Variants in FAM174A observed in about 807,000 individuals in gnomAD.
FAM174A encodes membrane protein FAM174A.
A neutral mutation model predicts 14.3 loss-of-function variants in FAM174A; 14 were observed. That is an observed-to-expected ratio of 0.98 (90% confidence interval 0.65 to 1.53). FAM174A has a LOEUF of 1.53. Ranked by LOEUF, FAM174A falls within the 40% of genes most tolerant of loss-of-function variation. The pLI is 0.00. For synonymous variants in FAM174A, 108 were observed against 111.4 expected (o/e 0.97, Z 0.19); for missense variants, 241 against 249.6 (o/e 0.97, Z 0.23).
chr5:100,580,926 G>GTTGT (rs773361122), intron 2 of FAM174A, among the ~76,000 whole-genome samples: 2 of 151,968 alleles, frequency 1.3e-5, no homozygotes, highest in African/African-American at 2.4e-5. Flanking sequence ...GTTTGTTTTT[G>GTTGT]TTGTTTGTTT....
intron 2 of FAM174A, among the ~76,000 whole-genome samples, chr5:100,583,403 G>T (rs1312681604): frequency 6.6e-6 from 1 of 152,158 alleles, no homozygotes; most frequent in Non-Finnish European, 1.5e-5. Flanking sequence ...TCATAGAAAG[G>T]TCCATGTCAT....
Position 100,535,595 on chromosome 5 carries a change from T to G in FAM174A, c.65T>G (p.Leu22Trp). Reference sequence around the variant, plus strand: ...TTGGCTTCCGTCCTCCTCCTGCTGTTGCTGCCTGAACTAAGCGGGCCCCTG... The same window carrying G: ...TTGGCTTCCGTCCTCCTCCTGCTGTGGCTGCCTGAACTAAGCGGGCCCCTG... ...HLLASVLLLL[L>W]LPELSGPLAV... Residue 22 changes from leucine (L) to tryptophan (W), a missense_variant, in exon 1 of 3, where the codon TTG becomes TGG. Leu to Trp is a moderately conservative substitution (Grantham distance 61). Coordinates refer to ENST00000312637, the MANE Select transcript of FAM174A (RefSeq NM_198507.3). 1.2e-6 allele frequency: 2 copies of G among 1,613,330 alleles called. No individual in the cohort carries two copies. The highest frequency in any genetic ancestry group is 1.7e-6 in the Non-Finnish European group (2 of 1,179,962).
In FAM174A at chr5:100,539,141, C is replaced by T. The variant is rs561565137; in HGVS notation, c.434+3177C>T. On this transcript the variant is annotated intron_variant, in intron 1 of 2. Coordinates refer to ENST00000312637, the MANE Select transcript of FAM174A (RefSeq NM_198507.3). ...CTTCCAATTTCAAGAAAATATGGTG[C>T]TCATGCTCATATAGTGGAGATGAGC... Among the ~76,000 whole-genome samples the T allele has an allele frequency of 2.6e-5, 4 of 152,064 alleles. No homozygotes were observed. In the East Asian group the frequency reaches 5.8e-4, roughly 22 times the overall value.
chr5:100,579,289 C>A (rs1363316507), intron 2 of FAM174A, among the ~76,000 whole-genome samples: 1 of 152,076 alleles, frequency 6.6e-6, no homozygotes, highest in Non-Finnish European at 1.5e-5. Flanking sequence ...TTTCTCCTCT[C>A]TCTTCACTTC....
chr5:100,578,188 A>G lies in FAM174A; in HGVS notation c.570-7993A>G, dbSNP rs139019385. On this transcript the variant is annotated intron_variant, in intron 2 of 2. Transcript: ENST00000312637. ...CATAGGATCTAATCTTCAGATTTCA[A>G]TGACTAAACCCTCCAGAACTGAGAA... 4.1e-4 allele frequency among the ~76,000 whole-genome samples: 62 copies of G among 152,252 alleles called. 1 individual carries two copies. In the East Asian group the frequency reaches 0.012, roughly 28 times the overall value.
At chr5:100,537,174 C>G (rs773027057) in intron 1 of FAM174A, among the ~76,000 whole-genome samples, 1 of 152,084 alleles carries the variant, frequency 6.6e-6, no homozygotes, top group Non-Finnish European at 1.5e-5. Flanking sequence ...TATATCTGTG[C>G]GAAGATGGAA....
intron 2 of FAM174A, among the ~76,000 whole-genome samples, chr5:100,564,255 CTAATA>C (rs1472865592): frequency 1.3e-5 from 2 of 151,508 alleles, no homozygotes; most frequent in Non-Finnish European, 2.9e-5. Flanking sequence ...AAAGAATGGA[CTAATA>C]CACTGAACAA....
Position 100,535,766 on chromosome 5 carries a change from C to T in FAM174A, c.236C>T (p.Ser79Phe), listed in dbSNP as rs369657992. The T allele has an allele frequency of 1.9e-6, 3 of 1,605,048 alleles. No individual in the cohort carries two copies. The highest frequency in any genetic ancestry group is 2.7e-5 in the African/African-American group (2 of 74,886). ...GLAEAAGPRG[S>F]EGGNGSNPVA... ...GCTGAAGCTGCGGGGCCGCGGGGCT[C>T]CGAGGGAGGCAATGGCAGCAACCCT... The change falls in exon 1 of 3, where the codon TCC (serine) becomes TTC (phenylalanine). Residue 79 changes from serine (S) to phenylalanine (F), a missense_variant. Ser to Phe is a radical substitution (Grantham distance 155). Transcript: ENST00000312637.
At chr5:100,554,310 CTTTTTTT>C (rs34241194) in intron 1 of FAM174A, among the ~76,000 whole-genome samples, 1 of 93,932 alleles carries the variant, frequency 1.1e-5, no homozygotes, top group African/African-American at 4.4e-5. Flanking sequence ...ATTTTTCTAT[CTTTTTTT>C]TTTTTTTTTT....
At chr5:100,536,062 C>T (rs1745937459) in intron 1 of FAM174A, 98 bp downstream of exon 1, 13 of 1,100,078 alleles carry the variant, frequency 1.2e-5, no homozygotes, top group Non-Finnish European at 1.6e-5. Context: ...CCCCCTTCCC[C>T]AGCATCAGGG....
rs373961221 is a variant in FAM174A at position 100,561,524 on chromosome 5, T to C, written c.435-530T>C. 1.6e-4 allele frequency among the ~76,000 whole-genome samples: 24 copies of C among 152,088 alleles called. No homozygotes were observed. The East Asian group carries it at 3.5e-3, about 22-fold the overall frequency. ...ATATTCATATTTAGTTCTTTTTTGC[T>C]GTACATTTTGATTCAGTTATGTCCT... is the stretch of plus-strand genomic sequence containing the variant. On this transcript the variant is annotated intron_variant, in intron 1 of 2. Coordinates refer to ENST00000312637, the MANE Select transcript of FAM174A (RefSeq NM_198507.3).
intron 2 of FAM174A, chr5:100,581,418 G>C: frequency 1.0e-6 from 1 of 981,004 alleles, no homozygotes; most frequent in African/African-American, 1.7e-5. Context: ...GGTGGCAATT[G>C]AGTTAAAGTT....
intron 1 of FAM174A, among the ~76,000 whole-genome samples, chr5:100,541,937 C>T (rs1580362327): frequency 6.6e-6 from 1 of 152,178 alleles, no homozygotes; most frequent in Non-Finnish European, 1.5e-5. Context: ...TGCCTAGCTT[C>T]TTCATGAATT....
intron 2 of FAM174A, among the ~76,000 whole-genome samples, chr5:100,576,408 A>G (rs1746907000): frequency 6.6e-6 from 1 of 152,138 alleles, no homozygotes; most frequent in Non-Finnish European, 1.5e-5. Flanking sequence ...AGCAGTTCCT[A>G]TAATTGCAAC....
At chr5:100,566,140 T>TGATAGATATATATA in intron 2 of FAM174A, among the ~76,000 whole-genome samples, 1 of 8,078 alleles carries the variant, frequency 1.2e-4, no homozygotes. Flanking sequence ...TTGAAAAGTA[T>TGATAGATATATATA]GATATATATA....
chr5:100,559,310 G>A (rs905064122), intron 1 of FAM174A, among the ~76,000 whole-genome samples: 1 of 152,176 alleles, frequency 6.6e-6, no homozygotes, highest in Non-Finnish European at 1.5e-5. Flanking sequence ...GAGATCAGCT[G>A]TTAGTCTGAT....
At chr5:100,547,482 T>A (rs2112369928) in intron 1 of FAM174A, among the ~76,000 whole-genome samples, 1 of 152,190 alleles carries the variant, frequency 6.6e-6, no homozygotes, top group East Asian at 1.9e-4. Context: ...TCTGAGAGAA[T>A]GTGATGGAAA....
chr5:100,560,917 C>G (rs1231461710), intron 1 of FAM174A, among the ~76,000 whole-genome samples: 1 of 151,950 alleles, frequency 6.6e-6, no homozygotes, highest in Admixed American at 6.6e-5. Flanking sequence ...CTTGCAGGGT[C>G]ACAGTTTTGG....
At chr5:100,585,346 G>C (rs903163943) in intron 2 of FAM174A, among the ~76,000 whole-genome samples, 2 of 152,124 alleles carry the variant, frequency 1.3e-5, no homozygotes, top group Non-Finnish European at 2.9e-5. Context: ...GATCATAAAT[G>C]ATAAAATAAA....
Sources: allele counts gnomAD v4.1 joint callset (sites outside exome capture counted in the v4.1 genomes callset), GRCh38; gene constraint gnomAD v4.1.1; transcripts MANE v1.5; gene names NCBI Gene and HGNC (gene_info 2026-07-23, HGNC 2026-07-21).